The following FHAD1 variants were observed in gnomAD, a reference collection of about 807,000 sequenced individuals.
FHAD1 encodes forkhead associated phosphopeptide binding domain 1, also known as forkhead-associated domain-containing protein 1.
FHAD1 carries 146 observed loss-of-function variants against 191.3 expected under a neutral mutation model. That is an observed-to-expected ratio of 0.76 (90% confidence interval 0.67 to 0.88). The LOEUF is 0.88. Among genes scored for constraint, FHAD1 ranks in the 40% least tolerant of loss-of-function variants. The pLI, the probability that FHAD1 is intolerant of heterozygous loss-of-function variation, is 0.00. For synonymous variants in FHAD1, 616 were observed against 672.3 expected (o/e 0.92, Z 1.29); for missense variants, 1,635 against 1,785.8 (o/e 0.92, Z 1.52).
intron 5 of FHAD1, among the ~76,000 whole-genome samples, chr1:15,297,751 C>A (rs1261946648): frequency 6.6e-6 from 1 of 152,174 alleles, no homozygotes; most frequent in African/African-American, 2.4e-5. Context: ...TCTCAGAAGT[C>A]CTCATTCCCA....
At position 15,323,766 on chromosome 1, in the gene FHAD1, A is replaced by G. The variant is rs144283544; in HGVS notation, c.1366-686A>G. Among the ~76,000 whole-genome samples, 487 of 152,234 alleles carry G rather than the reference A, an allele frequency of 3.2e-3. 4 individuals are homozygous for G. Among genetic ancestry groups the G allele is most frequent in the African/African-American group, 0.011 (455 of 41,548 alleles). On this transcript the variant is annotated intron_variant, in intron 10 of 33. Transcript: ENST00000688493. Reference sequence around the variant, plus strand: ...CGCCCAAGCTCACCTCGAGTTGCCCATTACTCGAGCAAGCGGGGGAAAATG... The same window carrying G: ...CGCCCAAGCTCACCTCGAGTTGCCCGTTACTCGAGCAAGCGGGGGAAAATG...
At chr1:15,351,302 G>A (rs191506317) in intron 19 of FHAD1, among the ~76,000 whole-genome samples, 5 of 152,226 alleles carry the variant, frequency 3.3e-5, no homozygotes, top group Non-Finnish European at 2.9e-5. Flanking sequence ...CTGAGAGCAC[G>A]CCACTGTACT....
chr1:15,285,302 C>T (rs1244174224), intron 3 of FHAD1, among the ~76,000 whole-genome samples: 1 of 152,134 alleles, frequency 6.6e-6, no homozygotes, highest in Non-Finnish European at 1.5e-5. Context: ...GAGGCCAAGG[C>T]GGGTGGATCA....
intron 13 of FHAD1, chr1:15,328,966 G>A (rs1243248223): frequency 5.9e-6 from 1 of 168,336 alleles, no homozygotes; most frequent in Non-Finnish European, 1.3e-5. Context: ...TGGCTTGTCA[G>A]CACTCTTTCA....
Position 15,317,944 on chromosome 1 carries a change from C to T in FHAD1, c.1365+16C>T. On this transcript the variant is annotated intron_variant, in intron 10 of 33. Coordinates refer to ENST00000688493, the MANE Select transcript of FHAD1 (RefSeq NM_001391957.1). The stretch of plus-strand genomic sequence containing the variant: ...AAAAAGCAAGGTACGTAGTGGACAA[C>T]AGGCCCAGAGAGTGGTGTGGGCGGT... 1 of 1,512,212 alleles carries T rather than the reference C, an allele frequency of 6.6e-7. No homozygotes were observed. The highest frequency in any genetic ancestry group is 9.0e-7 in the Non-Finnish European group (1 of 1,111,180). The allele number at this position is 1,512,212 out of a possible 1,614,324, so 93.7% of individuals were successfully genotyped here.
At chr1:15,295,816 TACTCA>T (rs1409197403) in intron 4 of FHAD1, among the ~76,000 whole-genome samples, 5 of 152,220 alleles carry the variant, frequency 3.3e-5, no homozygotes, top group Admixed American at 2.0e-4. Flanking sequence ...GTGTTGCAAC[TACTCA>T]ACTCTGTGTT....
At chr1:15,306,784 G>A (rs1341278272) in intron 6 of FHAD1, among the ~76,000 whole-genome samples, 1 of 152,224 alleles carries the variant, frequency 6.6e-6, no homozygotes, top group Non-Finnish European at 1.5e-5. Flanking sequence ...GAAGATGTGT[G>A]GAAATGCCTG....
At chr1:15,283,210 C>T (rs77885430) in intron 3 of FHAD1, among the ~76,000 whole-genome samples, 4,006 of 152,264 alleles carry the variant, frequency 0.026, 172 homozygotes, top group African/African-American at 0.091. Context: ...CATGGCAATG[C>T]GAAACTGACA....
Position 15,397,319 on chromosome 1 carries a change from T to A in FHAD1, c.4346T>A (p.Leu1449Gln). The change falls in exon 34 of 34, where the codon CTA becomes CAA. Residue 1449 changes from leucine to glutamine, a missense_variant. Transcript: ENST00000688493. ...NSQVGTRKASLKMDQEREMLR... is the reference protein window; with the variant it reads ...NSQVGTRKASQKMDQEREMLR... ...AAGGTTGGAACCAGAAAAGCCTCCC[T>A]AAAGATGGACCAAGAAAGAGAGATG... 2 of 1,539,436 alleles carry A rather than the reference T, an allele frequency of 1.3e-6. No homozygotes were observed. Among genetic ancestry groups the A allele is most frequent in the Non-Finnish European group, 1.8e-6 (2 of 1,139,052 alleles).
chr1:15,341,905 C>T lies in FHAD1; in HGVS notation c.2130+17C>T. On this transcript the variant is annotated intron_variant, in intron 16 of 33. Transcript: ENST00000688493. The stretch of plus-strand genomic sequence containing the variant: ...GAGAAGGCGGTAAGGTGGTCCCTGC[C>T]ATTTGCTTTACTACTGGAAACTGAT... 1 of 1,549,004 alleles carries T rather than the reference C, an allele frequency of 6.5e-7. No individual in the cohort carries two copies. The highest frequency in any genetic ancestry group is 8.7e-7 in the Non-Finnish European group (1 of 1,145,554).
intron 2 of FHAD1, among the ~76,000 whole-genome samples, chr1:15,257,249 A>G (rs1378682204): frequency 1.3e-5 from 2 of 152,124 alleles, no homozygotes; most frequent in East Asian, 3.9e-4. Context: ...GTTCCCCACC[A>G]ACAGTGAGGG....
In FHAD1 at chr1:15,339,568, C is replaced by A. The variant is rs1299034863; in HGVS notation, c.1977+17C>A. The A allele has an allele frequency of 3.2e-6, 4 of 1,244,110 alleles. No individual in the cohort carries two copies. Among genetic ancestry groups the A allele is most frequent in the African/African-American group, 1.6e-5 (1 of 63,426 alleles). 77.1% of individuals were successfully genotyped at this position (1,244,110 alleles called of 1,614,324 possible). A position where few individuals can be genotyped will look rare whatever the true frequency, so the allele number is the denominator to read the frequency against. ...GAACTTCAGGTAATTCTTTTAATTT[C>A]TTTTTTTCCAAAGTTCATTTCGGCC... On this transcript the variant is annotated intron_variant, in intron 15 of 33. Coordinates refer to ENST00000688493, the MANE Select transcript of FHAD1 (RefSeq NM_001391957.1).
chr1:15,330,560 C>A (rs541748084), intron 14 of FHAD1, among the ~76,000 whole-genome samples: 26 of 152,312 alleles, frequency 1.7e-4, no homozygotes, highest in Admixed American at 3.9e-4. Context: ...GGGAAAATCA[C>A]TCGAACAAAC....
intron 6 of FHAD1, among the ~76,000 whole-genome samples, chr1:15,306,064 G>A (rs1168587605): frequency 6.6e-6 from 1 of 152,218 alleles, no homozygotes; most frequent in African/African-American, 2.4e-5. Context: ...GAATGGCTTT[G>A]ACAAAAAGCC....
chr1:15,401,772 C>A (rs1707132739), downstream of FHAD1, among the ~76,000 whole-genome samples: 1 of 152,210 alleles, frequency 6.6e-6, no homozygotes, highest in Non-Finnish European at 1.5e-5. Context: ...CTTTGCCATG[C>A]TGAGGCCTCC....
At position 15,346,680 on chromosome 1, in the gene FHAD1, G is replaced by A. The variant is rs930847879; in HGVS notation, c.2346+1157G>A. On this transcript the variant is annotated intron_variant, in intron 18 of 33. Transcript: ENST00000688493. ...TTTGTGGATTCATGTTTAGCTTGTG[G>A]TCACCCTCAGATCCCTGATCCTTTT... Among the ~76,000 whole-genome samples the A allele has an allele frequency of 4.6e-5, 7 of 152,330 alleles. No homozygotes were observed. In the South Asian group the frequency reaches 1.4e-3, roughly 32 times the overall value.
In FHAD1 at chr1:15,330,119, C is replaced by G. The variant is rs192591303; in HGVS notation, c.1906+578C>G. 1,053 of 153,220 alleles carry G rather than the reference C, an allele frequency of 6.9e-3. 3 individuals carry two copies. The highest frequency in any genetic ancestry group is 0.044 in the Middle Eastern group (13 of 294). 9.5% of individuals were successfully genotyped at this position (153,220 alleles called of 1,614,324 possible). On this transcript the variant is annotated intron_variant, in intron 14 of 33. Coordinates refer to ENST00000688493, the MANE Select transcript of FHAD1 (RefSeq NM_001391957.1). ...GTCATCCATGTCAGTAGACACAGAC[C>G]TACATCATCGCTGTTACCGACGGCA...
chr1:15,378,235 A>G (rs554675108), intron 28 of FHAD1, among the ~76,000 whole-genome samples: 3 of 152,232 alleles, frequency 2.0e-5, no homozygotes, highest in East Asian at 1.9e-4. Context: ...CAGTGAACCA[A>G]CATCGCACCA....
intron 2 of FHAD1, among the ~76,000 whole-genome samples, chr1:15,267,845 A>C (rs1446327640): frequency 6.8e-6 from 1 of 147,428 alleles, no homozygotes; most frequent in Non-Finnish European, 1.5e-5. Flanking sequence ...ATATTTATAA[A>C]ATAAATATTT....
Sources: allele counts gnomAD v4.1 joint callset (sites outside exome capture counted in the v4.1 genomes callset), GRCh38; gene constraint gnomAD v4.1.1; transcripts MANE v1.5; gene names NCBI Gene and HGNC (gene_info 2026-07-23, HGNC 2026-07-21).